The following OSTF1 variants were observed in gnomAD, a reference collection of about 807,000 sequenced individuals.
OSTF1 encodes the protein osteoclast stimulating factor 1.
A neutral mutation model predicts 37.2 loss-of-function variants in OSTF1; 27 were observed. The observed-to-expected ratio is 0.73, with a 90% CI of 0.54 to 1.00. The LOEUF (loss-of-function observed/expected upper bound fraction) is 1.00. OSTF1 is among the 50% of genes least tolerant of loss of function. The probability of loss-of-function intolerance (pLI) is 0.00; values close to 1 mark genes in which losing one functional copy is unlikely to be tolerated. For missense variants in OSTF1, 232 were observed against 253.8 expected (o/e 0.91, Z 0.58); for synonymous variants, 82 against 89.2 (o/e 0.92, Z 0.46).
Position 75,088,566 on chromosome 9 carries a change from C to A in OSTF1, c.-127C>A. ...CGCTCTTCCCGCAGCCAAGGGTGGGCGCCGGTCCTAGGAGGCGCACGGTTG... is the reference window on the plus strand; with the variant it reads ...CGCTCTTCCCGCAGCCAAGGGTGGGAGCCGGTCCTAGGAGGCGCACGGTTG... On this transcript the variant is annotated 5_prime_UTR_variant, in exon 1 of 10. Transcript: ENST00000346234. 2 of 999,898 alleles carry A rather than the reference C, an allele frequency of 2.0e-6. No homozygotes were observed. Among genetic ancestry groups the A allele is most frequent in the Non-Finnish European group, 1.5e-6 (1 of 655,340 alleles). The allele number at this position is 999,898 out of a possible 1,614,324, so 61.9% of individuals were successfully genotyped here. A position where few individuals can be genotyped will look rare whatever the true frequency, so the allele number is the denominator to read the frequency against.
chr9:75,139,899 C>A (rs12346959), intron 8 of OSTF1, among the ~76,000 whole-genome samples: 2 of 152,052 alleles, frequency 1.3e-5, no homozygotes, highest in South Asian at 2.1e-4. Flanking sequence ...GTAAACCATT[C>A]TTCAGAAATA....
chr9:75,143,740 G>A (rs1412738371), intron 9 of OSTF1, among the ~76,000 whole-genome samples: 1 of 152,196 alleles, frequency 6.6e-6, no homozygotes, highest in Non-Finnish European at 1.5e-5. Flanking sequence ...ATGAACGTGA[G>A]CTAGGGAAGG....
intron 9 of OSTF1, 126 bp from the exon 10 acceptor site, chr9:75,146,557 G>T: frequency 1.4e-6 from 1 of 691,710 alleles, no homozygotes; most frequent in South Asian, 1.7e-5. Context: ...AGATCCTCAG[G>T]GAAAGTACAA....
rs145254080 is a variant in OSTF1, at chr9:75,090,464, G to A, written c.34+1738G>A. On this transcript the variant is annotated intron_variant, in intron 1 of 9. Transcript: ENST00000346234. ...AAGCTTATGGTTAAACATGACAGGTGTTTAGAGGGAACTTTGCATTTTATT... is the reference window on the plus strand; with the variant it reads ...AAGCTTATGGTTAAACATGACAGGTATTTAGAGGGAACTTTGCATTTTATT... 8.5e-5 allele frequency among the ~76,000 whole-genome samples: 13 copies of A among 152,248 alleles called. No individual in the cohort carries two copies. The East Asian group carries it at 2.3e-3, about 27-fold the overall frequency.
intron 1 of OSTF1, among the ~76,000 whole-genome samples, chr9:75,092,997 G>C (rs1163345219): frequency 6.6e-6 from 1 of 150,854 alleles, no homozygotes; most frequent in Non-Finnish European, 1.5e-5. Context: ...GCAATTTCGT[G>C]GTCTTCAGCT....
rs545241451 is a variant in OSTF1 at position 75,133,458 on chromosome 9, G to A, written c.358+57G>A. On this transcript the variant is annotated intron_variant, in intron 6 of 9. Coordinates refer to ENST00000346234, the MANE Select transcript of OSTF1 (RefSeq NM_012383.5). ...GCTGCTGAAAATGTGTTTCACCTACGGGAGCCAGATTTACAAAAAATGAGA... is the reference window on the plus strand; with the variant it reads ...GCTGCTGAAAATGTGTTTCACCTACAGGAGCCAGATTTACAAAAAATGAGA... 7 of 1,028,846 alleles carry A rather than the reference G, an allele frequency of 6.8e-6. No homozygotes were observed. In the Admixed American group the frequency reaches 7.9e-5, roughly 12 times the overall value. The allele number at this position is 1,028,846 out of a possible 1,614,324, so 63.7% of individuals were successfully genotyped here.
chr9:75,104,388 T>G (rs1314541594), intron 1 of OSTF1, among the ~76,000 whole-genome samples: 4 of 151,906 alleles, frequency 2.6e-5, no homozygotes, highest in South Asian at 2.1e-4. Context: ...ACAAAAAAAT[T>G]TTTGAAAAGT....
intron 1 of OSTF1, among the ~76,000 whole-genome samples, chr9:75,089,110 G>C (rs1198872632): frequency 6.6e-6 from 1 of 151,998 alleles, no homozygotes; most frequent in African/African-American, 2.4e-5. Flanking sequence ...TCTTTTCTCA[G>C]TGTTTGTCAC....
chr9:75,091,540 A>G (rs1035698039), intron 1 of OSTF1, among the ~76,000 whole-genome samples: 4 of 152,152 alleles, frequency 2.6e-5, no homozygotes, highest in African/African-American at 9.7e-5. Context: ...GACAGCAAGG[A>G]GAGTGGTGTG....
Position 75,104,521 on chromosome 9 carries a change from C to CA in OSTF1, c.35-12982dup, listed in dbSNP as rs540278460. Among the ~76,000 whole-genome samples, 45 of 152,062 alleles carry CA rather than the reference C, an allele frequency of 3.0e-4. No individual in the cohort carries two copies. In the East Asian group the frequency reaches 4.8e-3, roughly 16 times the overall value. ...AGCCACTACACTCCAGCCTGGGTGA[C>CA]AGAGTGAGACCCTGTCGCTAAAATT... On this transcript the variant is annotated intron_variant, in intron 1 of 9. Transcript: ENST00000346234.
intron 1 of OSTF1, among the ~76,000 whole-genome samples, chr9:75,107,130 A>G (rs554503287): frequency 5.1e-4 from 78 of 151,876 alleles, no homozygotes; most frequent in African/African-American, 1.8e-3. Context: ...TGTTGGCCCA[A>G]CAGAGTACAG....
chr9:75,101,483 G>A (rs552238954), intron 1 of OSTF1, among the ~76,000 whole-genome samples: 2 of 152,226 alleles, frequency 1.3e-5, no homozygotes, highest in African/African-American at 4.8e-5. Flanking sequence ...TTCTGAACTC[G>A]TTTTCCTCTT....
Position 75,130,576 on chromosome 9 carries a change from A to G in OSTF1, c.133-2A>G. 6.2e-7 allele frequency: 1 copy of G among 1,600,448 alleles called. No homozygotes were observed. Among genetic ancestry groups the G allele is most frequent in the Non-Finnish European group, 8.6e-7 (1 of 1,167,514 alleles). On this transcript the variant is annotated splice_acceptor_variant, in intron 3 of 9. Transcript: ENST00000346234. LOFTEE classifies it high-confidence loss of function. ...CACTTAATTTAACTCTTCTTTTACC[A>G]GAGCGATACCAATTGGTGGAAAGGC...
intron 2 of OSTF1, among the ~76,000 whole-genome samples, chr9:75,120,939 A>G (rs1363110007): frequency 3.3e-5 from 5 of 151,676 alleles, no homozygotes; most frequent in Non-Finnish European, 7.4e-5. Context: ...TTTTCTGACC[A>G]CTCCAGCTGG....
At chr9:75,119,146 T>TACTGCGTGAATTTTCTTACCTC (rs753053193) in intron 2 of OSTF1, among the ~76,000 whole-genome samples, 4 of 152,238 alleles carry the variant, frequency 2.6e-5, no homozygotes, top group Non-Finnish European at 5.9e-5. Context: ...GTCTTTTACT[T>TACTGCGTGAATTTTCTTACCTC]ACTGCGTGAA....
intron 8 of OSTF1, among the ~76,000 whole-genome samples, chr9:75,140,071 G>C (rs1176194884): frequency 6.6e-6 from 1 of 152,178 alleles, no homozygotes; most frequent in Non-Finnish European, 1.5e-5. Flanking sequence ...TATTTGCTAA[G>C]AAAACAGTAC....
chr9:75,089,408 A>G, intron 1 of OSTF1, among the ~76,000 whole-genome samples: 1 of 152,018 alleles, frequency 6.6e-6, no homozygotes, highest in East Asian at 1.9e-4. Context: ...GAGAGGGCTG[A>G]GATTACTAAA....
chr9:75,118,632 G>T (rs1414764457), intron 2 of OSTF1, among the ~76,000 whole-genome samples: 1 of 152,102 alleles, frequency 6.6e-6, no homozygotes, highest in East Asian at 1.9e-4. Context: ...CCTGAGACTG[G>T]GTAATGTATA....
intron 1 of OSTF1, among the ~76,000 whole-genome samples, chr9:75,115,203 C>T (rs1016226730): frequency 2.0e-5 from 3 of 152,164 alleles, no homozygotes; most frequent in Non-Finnish European, 4.4e-5. Flanking sequence ...TTGGAGGCCA[C>T]TGTTCTGCAT....
Sources: allele counts gnomAD v4.1 joint callset (sites outside exome capture counted in the v4.1 genomes callset), GRCh38; gene constraint gnomAD v4.1.1; transcripts MANE v1.5; gene names NCBI Gene and HGNC (gene_info 2026-07-23, HGNC 2026-07-21).